Variants in IER3IP1 observed in about 807,000 individuals in gnomAD.
IER3IP1 encodes the protein immediate early response 3 interacting protein 1, also known as immediate early response 3-interacting protein 1.
In IER3IP1, 16 loss-of-function variants were observed where a neutral mutation model predicts 12.2. The ratio of observed to expected loss-of-function variants is 1.31; its 90% CI spans 0.89 to 1.99. The LOEUF is 1.99. Ranked by LOEUF, IER3IP1 falls within the 30% of genes most tolerant of loss-of-function variation. IER3IP1 has a pLI of 0.00. For missense variants in IER3IP1, 95 were observed against 95.8 expected (o/e 0.99, Z 0.03); for synonymous variants, 42 against 40.0 (o/e 1.05, Z -0.19).
chr18:47,159,285 G>A (rs961362691), intron 1 of IER3IP1, among the ~76,000 whole-genome samples: 2 of 152,164 alleles, frequency 1.3e-5, no homozygotes, highest in Non-Finnish European at 2.9e-5. Context: ...AACTACAGTA[G>A]GTCACCATTG....
At position 47,156,152 on chromosome 18, in the gene IER3IP1, G is replaced by C. The variant is rs1385314520; in HGVS notation, c.*25C>G. ...AACTTCTACTGGCATGTCCTCTTCT[G>C]AGTCTCCATTTTCTCCACTGATATT... On this transcript the variant is annotated 3_prime_UTR_variant, in exon 3 of 3. Transcript: ENST00000256433. The C allele has an allele frequency of 7.2e-7, 1 of 1,396,920 alleles. No homozygotes were observed. The highest frequency in any genetic ancestry group is 1.2e-5 in the South Asian group (1 of 86,254). 86.5% of individuals were successfully genotyped at this position (1,396,920 alleles called of 1,614,324 possible). A position where few individuals can be genotyped will look rare whatever the true frequency, so the allele number is the denominator to read the frequency against.
At chr18:47,171,235 G>T (rs1600002022) in intron 1 of IER3IP1, among the ~76,000 whole-genome samples, 2 of 152,194 alleles carry the variant, frequency 1.3e-5, no homozygotes, top group Middle Eastern at 6.8e-3. Context: ...ACTTGTTCAT[G>T]GTATATAATC....
chr18:47,175,805 GACT>G (rs1359102878), intron 1 of IER3IP1, among the ~76,000 whole-genome samples: 2 of 151,618 alleles, frequency 1.3e-5, no homozygotes, highest in Non-Finnish European at 2.9e-5. Flanking sequence ...CCGGGTTTTC[GACT>G]ATTAAAAGTA....
chr18:47,159,971 G>C (rs536717232), intron 1 of IER3IP1, among the ~76,000 whole-genome samples: 1 of 151,988 alleles, frequency 6.6e-6, no homozygotes, highest in African/African-American at 2.4e-5. Flanking sequence ...CAAGGTGGGC[G>C]GATCACCTGA....
intron 1 of IER3IP1, among the ~76,000 whole-genome samples, chr18:47,168,843 G>A (rs1391035696): frequency 6.6e-6 from 1 of 152,166 alleles, no homozygotes; most frequent in Non-Finnish European, 1.5e-5. Flanking sequence ...TCCATCAGCA[G>A]AGTATGAGTT....
intron 1 of IER3IP1, among the ~76,000 whole-genome samples, chr18:47,160,966 C>T (rs541548653): frequency 2.6e-5 from 4 of 152,260 alleles, no homozygotes; most frequent in East Asian, 1.9e-4. Context: ...TTCACCCTTA[C>T]GCATTAATTC....
intron 1 of IER3IP1, among the ~76,000 whole-genome samples, chr18:47,160,669 T>G (rs1386328159): frequency 6.6e-6 from 1 of 152,166 alleles, no homozygotes; most frequent in Admixed American, 6.5e-5. Flanking sequence ...AAATTCAGCT[T>G]TCAAGATTTC....
At chr18:47,174,932 A>G (rs576043084) in intron 1 of IER3IP1, among the ~76,000 whole-genome samples, 1 of 152,186 alleles carries the variant, frequency 6.6e-6, no homozygotes, top group Non-Finnish European at 1.5e-5. Context: ...GCTTCCTCCA[A>G]GAAGCTTTCG....
At chr18:47,168,442 T>C (rs1017042087) in intron 1 of IER3IP1, among the ~76,000 whole-genome samples, 1 of 152,136 alleles carries the variant, frequency 6.6e-6, no homozygotes, top group Non-Finnish European at 1.5e-5. Flanking sequence ...TAAAAGCTCA[T>C]TAGATTTCAA....
Position 47,159,924 on chromosome 18 carries a change from G to A in IER3IP1, c.92-2387C>T, listed in dbSNP as rs753427979. Among the ~76,000 whole-genome samples the A allele has an allele frequency of 9.5e-4, 144 of 151,386 alleles. 2 individuals are homozygous for A. The highest frequency in any genetic ancestry group is 1.4e-3 in the Admixed American group (22 of 15,236). On this transcript the variant is annotated intron_variant, in intron 1 of 2. Transcript: ENST00000256433. ...AAAGTTCCCATCCTTGGCCGGGCGCGGTGGCTCACACCTATAATCCCAGCA... is the reference window on the plus strand; with the variant it reads ...AAAGTTCCCATCCTTGGCCGGGCGCAGTGGCTCACACCTATAATCCCAGCA...
At chr18:47,165,104 A>G (rs778057376) in intron 1 of IER3IP1, among the ~76,000 whole-genome samples, 7 of 152,210 alleles carry the variant, frequency 4.6e-5, no homozygotes, top group Non-Finnish European at 1.0e-4. Context: ...AGCCTCTCTG[A>G]GATCAATTTC....
At chr18:47,157,160 G>A in intron 2 of IER3IP1, 1 of 416,730 alleles carries the variant, frequency 2.4e-6, no homozygotes, top group Admixed American at 4.2e-5. Flanking sequence ...CAAAAGGCAA[G>A]AATATAATTT....
At chr18:47,163,683 G>A (rs116981280) in intron 1 of IER3IP1, among the ~76,000 whole-genome samples, 2 of 152,260 alleles carry the variant, frequency 1.3e-5, no homozygotes, top group African/African-American at 2.4e-5. Flanking sequence ...GAGGAATGAG[G>A]CAAATGGCTT....
At chr18:47,159,993 C>A (rs1339266075) in intron 1 of IER3IP1, among the ~76,000 whole-genome samples, 1 of 151,980 alleles carries the variant, frequency 6.6e-6, no homozygotes, top group South Asian at 2.1e-4. Context: ...GTCGGGAGTT[C>A]GAGACCAGCC....
intron 1 of IER3IP1, among the ~76,000 whole-genome samples, chr18:47,166,671 C>T (rs75808931): frequency 0.052 from 7,976 of 152,118 alleles, 255 homozygotes; most frequent in East Asian, 0.091. Context: ...CTCAGCTTCA[C>T]CTGAGAGAAG....
intron 1 of IER3IP1, among the ~76,000 whole-genome samples, chr18:47,161,403 C>T (rs2144427552): frequency 6.6e-6 from 1 of 152,294 alleles, no homozygotes; most frequent in African/African-American, 2.4e-5. Context: ...TCCCATAGTA[C>T]AACTACCATC....
chr18:47,175,779 G>C (rs1159830795), intron 1 of IER3IP1, among the ~76,000 whole-genome samples: 1 of 151,688 alleles, frequency 6.6e-6, no homozygotes, highest in East Asian at 1.9e-4. Context: ...CCAACTCTTA[G>C]CCCGAAACTC....
Position 47,155,801 on chromosome 18 carries a change from C to G in IER3IP1, c.*376G>C, listed in dbSNP as rs1418516197. 6.2e-6 allele frequency: 1 copy of G among 161,674 alleles called. No individual in the cohort carries two copies. Among genetic ancestry groups the G allele is most frequent in the Non-Finnish European group, 1.3e-5 (1 of 74,502 alleles). 10.0% of individuals were successfully genotyped at this position (161,674 alleles called of 1,614,324 possible). ...AACCACTCACATCATGGCTAAGTTGCAAGGAACTTCAAAACTTTGAAAAAG... is the reference window on the plus strand; with the variant it reads ...AACCACTCACATCATGGCTAAGTTGGAAGGAACTTCAAAACTTTGAAAAAG... On this transcript the variant is annotated 3_prime_UTR_variant, in exon 3 of 3. Coordinates refer to ENST00000256433, the MANE Select transcript of IER3IP1 (RefSeq NM_016097.5).
chr18:47,162,739 G>T (rs1453191178), intron 1 of IER3IP1, among the ~76,000 whole-genome samples: 1 of 151,910 alleles, frequency 6.6e-6, no homozygotes, highest in African/African-American at 2.4e-5. Flanking sequence ...CCAAACGAAG[G>T]ACATGAGCCT....
Sources: allele counts gnomAD v4.1 joint callset (sites outside exome capture counted in the v4.1 genomes callset), GRCh38; gene constraint gnomAD v4.1.1; transcripts MANE v1.5; gene names NCBI Gene and HGNC (gene_info 2026-07-23, HGNC 2026-07-21).